SVOPL: variants seen among roughly 807,000 people sequenced by gnomAD.
SVOPL encodes the protein SVOP like, also known as putative transporter SVOPL.
In SVOPL, 60 loss-of-function variants were observed where a neutral mutation model predicts 61.0. The ratio of observed to expected loss-of-function variants is 0.98; its 90% CI spans 0.80 to 1.22. SVOPL has a LOEUF of 1.22. SVOPL is among the 50% of genes most tolerant of loss of function. The pLI is 0.00. For missense variants in SVOPL, 662 were observed against 643.9 expected, an observed-to-expected ratio of 1.03 and a Z score of -0.30; for synonymous variants, 279 against 250.0, an observed-to-expected ratio of 1.12 and a Z score of -1.09.
At chr7:138,629,661 G>A (rs183523623) in intron 10 of SVOPL, among the ~76,000 whole-genome samples, 196 of 152,256 alleles carry the variant, frequency 1.3e-3, no homozygotes, top group African/African-American at 4.6e-3. Context: ...GCTTACTCAA[G>A]GTCATGCTGC....
At chr7:138,695,499 A>T (rs1431842971) in intron 1 of SVOPL, among the ~76,000 whole-genome samples, 1 of 152,176 alleles carries the variant, frequency 6.6e-6, no homozygotes, top group Non-Finnish European at 1.5e-5. Flanking sequence ...CAACACAGTG[A>T]GACTCTGTCT....
chr7:138,695,918 G>A (rs532470905), intron 1 of SVOPL, among the ~76,000 whole-genome samples: 6 of 151,752 alleles, frequency 4.0e-5, no homozygotes, highest in Non-Finnish European at 8.8e-5. Flanking sequence ...GAGTAGCTGC[G>A]ACTACAGGTG....
In SVOPL at chr7:138,643,422, C is replaced by CAAAAA. The variant is rs36014220; in HGVS notation, c.789+1290_789+1294dup. 7.7e-4 allele frequency among the ~76,000 whole-genome samples: 52 copies of CAAAAA among 67,278 alleles called. 1 individual carries two copies. Among genetic ancestry groups the CAAAAA allele is most frequent in the African/African-American group, 2.1e-3 (41 of 19,188 alleles). 44.1% of individuals were successfully genotyped at this position (67,278 alleles called of 152,430 possible). The stretch of plus-strand genomic sequence containing the variant: ...CCTGGGCAAGAGTGAGACTCCATCT[C>CAAAAA]AAAAAAAAAAAAAAAAAAAAGAAAG... On this transcript the variant is annotated intron_variant, in intron 9 of 15. Transcript: ENST00000674285.
intron 10 of SVOPL, among the ~76,000 whole-genome samples, chr7:138,629,305 A>G (rs1029339671): frequency 2.0e-5 from 3 of 150,104 alleles, no homozygotes; most frequent in African/African-American, 7.4e-5. Context: ...ATCTCGGCTC[A>G]CTGCAACCTC....
At chr7:138,680,641 C>T (rs988433253) in intron 1 of SVOPL, among the ~76,000 whole-genome samples, 10 of 152,026 alleles carry the variant, frequency 6.6e-5, no homozygotes, top group Middle Eastern at 3.4e-3. Context: ...TGCAGTGGCC[C>T]GATCTCGGCT....
chr7:138,684,052 C>T (rs1257915442), intron 1 of SVOPL, among the ~76,000 whole-genome samples: 1 of 151,278 alleles, frequency 6.6e-6, no homozygotes, highest in Non-Finnish European at 1.5e-5. Context: ...GACTCTATCT[C>T]GGCAGGGGGG....
chr7:138,632,420 G>A (rs928998077), intron 9 of SVOPL, among the ~76,000 whole-genome samples: 1 of 151,890 alleles, frequency 6.6e-6, no homozygotes, highest in Admixed American at 6.6e-5. Context: ...GGTGACAAGA[G>A]CAAGACTCCA....
At chr7:138,622,018 GTATCTATCTATCTATCTATGTATC>G (rs1563095945) in intron 13 of SVOPL, among the ~76,000 whole-genome samples, 13 of 22,728 alleles carry the variant, frequency 5.7e-4, no homozygotes, top group South Asian at 1.3e-3. Flanking sequence ...ATCTATCTAT[GTATCTATCTATCTATCTATGTATC>G]TATCTATCTA....
chr7:138,638,329 C>CA (rs1800606137), intron 9 of SVOPL, among the ~76,000 whole-genome samples: 1 of 143,070 alleles, frequency 7.0e-6, no homozygotes, highest in Admixed American at 6.9e-5. Context: ...AAAGGAGATG[C>CA]AAAAAACTCA....
At chr7:138,693,067 A>T (rs1028796221) in intron 1 of SVOPL, among the ~76,000 whole-genome samples, 1 of 152,216 alleles carries the variant, frequency 6.6e-6, no homozygotes, top group African/African-American at 2.4e-5. Context: ...ATATTGGGAG[A>T]ATAGCACAAA....
chr7:138,676,065 A>C (rs1461987184), intron 3 of SVOPL, among the ~76,000 whole-genome samples: 1 of 152,158 alleles, frequency 6.6e-6, no homozygotes, highest in East Asian at 1.9e-4. Flanking sequence ...CAGACTCCTG[A>C]CCTCAGGTGA....
At chr7:138,608,880 G>A (rs553301735) in intron 14 of SVOPL, among the ~76,000 whole-genome samples, 2 of 152,200 alleles carry the variant, frequency 1.3e-5, no homozygotes, top group East Asian at 1.9e-4. Context: ...ACAAATCTCT[G>A]CAACGTAATT....
At chr7:138,638,371 A>C (rs1030022906) in intron 9 of SVOPL, among the ~76,000 whole-genome samples, 1 of 152,096 alleles carries the variant, frequency 6.6e-6, no homozygotes, top group Non-Finnish European at 1.5e-5. Flanking sequence ...GTCAATAAAA[A>C]TGTTAATAAA....
chr7:138,601,980 T>C (rs1043941603), intron 14 of SVOPL, among the ~76,000 whole-genome samples: 4 of 152,242 alleles, frequency 2.6e-5, no homozygotes, highest in African/African-American at 9.6e-5. Flanking sequence ...CTTCAAAGAA[T>C]CAGACCTTGA....
At chr7:138,612,969 C>A (rs1673223) in intron 14 of SVOPL, among the ~76,000 whole-genome samples, 24,053 of 151,942 alleles carry the variant, frequency 0.16, 2,358 homozygotes, top group East Asian at 0.28. Context: ...CTTACTCTAC[C>A]CTTTCCCTCC....
At chr7:138,673,711 A>G (rs17160449) in intron 3 of SVOPL, among the ~76,000 whole-genome samples, 69,056 of 152,034 alleles carry the variant, frequency 0.45, 16,219 homozygotes, top group African/African-American at 0.57. Flanking sequence ...AATACAGAAG[A>G]GCTAGATCCA....
chr7:138,648,880 C>G (rs1245877101), intron 8 of SVOPL, 132 bp downstream of exon 8: 1 of 1,379,354 alleles, frequency 7.2e-7, no homozygotes, highest in East Asian at 2.5e-5. Flanking sequence ...CGAGATTGCA[C>G]CTCTGCACTG....
intron 4 of SVOPL, among the ~76,000 whole-genome samples, chr7:138,671,216 C>T (rs898478772): frequency 2.0e-5 from 3 of 152,124 alleles, no homozygotes; most frequent in Non-Finnish European, 4.4e-5. Flanking sequence ...CCATCACTAC[C>T]CCTTTCTCAC....
At chr7:138,658,343 T>C (rs1022574921) in intron 6 of SVOPL, among the ~76,000 whole-genome samples, 3 of 152,144 alleles carry the variant, frequency 2.0e-5, no homozygotes, top group Non-Finnish European at 4.4e-5. Context: ...TACTCAAAAA[T>C]AGTTACTCCT....
Sources: gnomAD v4.1 joint callset for allele counts (sites outside exome capture counted in the v4.1 genomes callset) on GRCh38, gnomAD v4.1.1 for gene constraint, MANE v1.5 for transcripts, NCBI Gene and HGNC (gene_info 2026-07-23, HGNC 2026-07-21) for gene names.